GTF2A1: variants seen among roughly 807,000 people sequenced by gnomAD.
The protein encoded by GTF2A1 is transcription initiation factor IIA subunit 1.
In GTF2A1, 12 loss-of-function variants were observed where a neutral mutation model predicts 54.1. The observed-to-expected ratio is 0.22, with a 90% CI of 0.14 to 0.36. The LOEUF (loss-of-function observed/expected upper bound fraction) is 0.36. GTF2A1 is among the 10% of genes least tolerant of loss of function. The pLI is 1.00. For synonymous variants in GTF2A1, 145 were observed against 152.0 expected (o/e 0.95, Z 0.34); for missense variants, 335 against 442.2 (o/e 0.76, Z 2.17).
At chr14:81,210,520 T>A (rs1159296097) in intron 2 of GTF2A1, among the ~76,000 whole-genome samples, 1 of 152,124 alleles carries the variant, frequency 6.6e-6, no homozygotes, top group East Asian at 1.9e-4. Context: ...AATGAAACAC[T>A]ATTTTGGCAA....
At chr14:81,190,007 G>GA (rs11348961) in intron 7 of GTF2A1, among the ~76,000 whole-genome samples, 3 of 151,370 alleles carry the variant, frequency 2.0e-5, no homozygotes, top group South Asian at 2.1e-4. Flanking sequence ...ACTGAACAGG[G>GA]AAAAAAAAAG....
chr14:81,204,652 C>A (rs118170191), intron 2 of GTF2A1, among the ~76,000 whole-genome samples: 81 of 152,228 alleles, frequency 5.3e-4, no homozygotes, highest in Non-Finnish European at 8.4e-4. Context: ...GAAAAAGAAC[C>A]GGCAACGCCC....
chr14:81,201,525 T>C (rs1893110763), intron 4 of GTF2A1, 69 bp downstream of exon 4: 8 of 891,040 alleles, frequency 9.0e-6, no homozygotes, highest in South Asian at 1.4e-5. Context: ...ATAGGACATA[T>C]ATAGGCATAA....
Position 81,192,800 on chromosome 14 carries a change from C to T in GTF2A1, c.652G>A (p.Gly218Ser). ...PLPGGISPQT[G>S]VIIQPQQILF... ...ATTTGCTGAGGCTGGATGATGACAC[C>T]TGTCTGTGGTGAAATCCCTCCAGGA... Residue 218 changes from glycine (G) to serine (S), a missense_variant, in exon 7 of 9, where the codon GGT becomes AGT. By Grantham distance (56) the Gly-to-Ser change is moderately conservative (BLOSUM62 0). This residue lies in a region of GTF2A1 where 306 missense variants were observed against 360.4 expected (regional missense o/e 0.85). Coordinates refer to ENST00000553612, the MANE Select transcript of GTF2A1 (RefSeq NM_015859.4). The T allele has an allele frequency of 6.2e-7, 1 of 1,613,392 alleles. No individual in the cohort carries two copies. Among genetic ancestry groups the T allele is most frequent in the Middle Eastern group, 1.6e-4 (1 of 6,062 alleles).
intron 8 of GTF2A1, among the ~76,000 whole-genome samples, chr14:81,184,171 A>G (rs902499751): frequency 1.3e-5 from 2 of 152,214 alleles, no homozygotes; most frequent in African/African-American, 4.8e-5. Context: ...AAAGGAGAAT[A>G]CAACCATTGT....
In GTF2A1 at chr14:81,178,423, TAAAC is replaced by T. The variant is rs1245559988; in HGVS notation, c.*1796_*1799del. On this transcript the variant is annotated 3_prime_UTR_variant, in exon 9 of 9. Coordinates refer to ENST00000553612, the MANE Select transcript of GTF2A1 (RefSeq NM_015859.4). ...TCTGTGTGCTTTGAGAGTCACAGAA[TAAAC>T]AAACTTCCCCTCAAAAAACTAAATT... is the stretch of plus-strand genomic sequence containing the variant. 3 of 152,124 alleles carry T rather than the reference TAAAC, an allele frequency of 2.0e-5. No homozygotes were observed. The highest frequency in any genetic ancestry group is 1.9e-4 in the East Asian group (1 of 5,196). The allele number at this position is 152,124 out of a possible 1,614,324, so 9.4% of individuals were successfully genotyped here.
chr14:81,188,426 A>G (rs1595210313), intron 7 of GTF2A1, among the ~76,000 whole-genome samples: 1 of 151,862 alleles, frequency 6.6e-6, no homozygotes, highest in Non-Finnish European at 1.5e-5. Flanking sequence ...TTTAATCTAC[A>G]AAGTCCACTT....
chr14:81,186,561 G>C (rs550729822), intron 7 of GTF2A1, among the ~76,000 whole-genome samples: 1 of 152,004 alleles, frequency 6.6e-6, no homozygotes, highest in East Asian at 1.9e-4. Flanking sequence ...GTTAAATTTC[G>C]CTTCAATTGT....
chr14:81,197,241 T>C (rs1893011489), intron 5 of GTF2A1, 168 bp downstream of exon 5: 2 of 537,088 alleles, frequency 3.7e-6, no homozygotes, highest in South Asian at 5.4e-5. Flanking sequence ...TCAACAACGA[T>C]TACAGTTATA....
At chr14:81,190,262 A>G (rs1892847800) in intron 7 of GTF2A1, among the ~76,000 whole-genome samples, 2 of 151,950 alleles carry the variant, frequency 1.3e-5, no homozygotes, top group Admixed American at 1.3e-4. Context: ...ATTAAATACA[A>G]TCTTTGAAAA....
At chr14:81,218,667 C>T (rs1019717572) in intron 1 of GTF2A1, among the ~76,000 whole-genome samples, 3 of 151,966 alleles carry the variant, frequency 2.0e-5, no homozygotes, top group Non-Finnish European at 4.4e-5. Context: ...CCACTAGTGG[C>T]ATTATTAAGT....
chr14:81,201,506 G>C, intron 4 of GTF2A1, 88 bp downstream of exon 4: 1 of 702,412 alleles, frequency 1.4e-6, no homozygotes, highest in Non-Finnish European at 2.4e-6. Context: ...TAAACTTCAA[G>C]TAGTTAATAT....
intron 2 of GTF2A1, among the ~76,000 whole-genome samples, chr14:81,212,870 G>A (rs1893403887): frequency 6.6e-6 from 1 of 152,154 alleles, no homozygotes; most frequent in African/African-American, 2.4e-5. Context: ...GAAGAGCACA[G>A]GTACAGAACA....
intron 2 of GTF2A1, chr14:81,209,749 C>G (rs1335189787): frequency 2.7e-6 from 1 of 374,580 alleles, no homozygotes; most frequent in Non-Finnish European, 5.1e-6. Flanking sequence ...CTATTCCTTA[C>G]GATCAGCAGT....
Position 81,207,469 on chromosome 14 carries a change from TC to T in GTF2A1, c.133-3366del, listed in dbSNP as rs1893264438. On this transcript the variant is annotated intron_variant, in intron 2 of 8. Transcript: ENST00000553612. ...TAAGTCCAATTAAACCTCTTTTTGT[TC>T]CCAGTTTTGGGTATGTCTTCATCAG... 2.0e-5 allele frequency among the ~76,000 whole-genome samples: 3 copies of T among 152,250 alleles called. No homozygotes were observed. In the South Asian group the frequency reaches 6.2e-4, roughly 32 times the overall value.
At chr14:81,219,393 TGGAG>T in intron 1 of GTF2A1, among the ~76,000 whole-genome samples, 1 of 152,332 alleles carries the variant, frequency 6.6e-6, no homozygotes, top group African/African-American at 2.4e-5. Flanking sequence ...GGTGTTTAAA[TGGAG>T]AGGCGGTGAC....
intron 2 of GTF2A1, among the ~76,000 whole-genome samples, chr14:81,214,356 T>G (rs10142578): frequency 3.9e-5 from 6 of 152,142 alleles, no homozygotes; most frequent in African/African-American, 1.4e-4. Context: ...ATCAAATTAC[T>G]GAGACCCGGC....
rs1419902730 is a variant in GTF2A1 at position 81,211,875 on chromosome 14, T to TATATATA, written c.132+4537_132+4538insTATATAT. ...ACATAATTAGAGTGTATCAAGTACT[T>TATATATA]TATATATATATATATATATATATAT... On this transcript the variant is annotated intron_variant, in intron 2 of 8. Transcript: ENST00000553612. Among the ~76,000 whole-genome samples the TATATATA allele has an allele frequency of 4.1e-3, 280 of 68,478 alleles. 16 individuals are homozygous for TATATATA. Among genetic ancestry groups the TATATATA allele is most frequent in the African/African-American group, 7.2e-3 (142 of 19,820 alleles). 44.9% of individuals were successfully genotyped at this position (68,478 alleles called of 152,430 possible). A position where few individuals can be genotyped will look rare whatever the true frequency, so the allele number is the denominator to read the frequency against.
In GTF2A1 at chr14:81,183,998, T is replaced by C. The variant is rs1001945934; in HGVS notation, c.1023+1533A>G. Among the ~76,000 whole-genome samples the C allele has an allele frequency of 3.9e-5, 6 of 152,194 alleles. No individual in the cohort carries two copies. The South Asian group carries it at 8.3e-4, about 21-fold the overall frequency. ...TCCTCCAATCTTCAGAGCAATTCAT[T>C]TGATTCTCAAAATTAGACCTCTGCA... On this transcript the variant is annotated intron_variant, in intron 8 of 8. Coordinates refer to ENST00000553612, the MANE Select transcript of GTF2A1 (RefSeq NM_015859.4).
Sources: gnomAD v4.1 joint callset for allele counts (sites outside exome capture counted in the v4.1 genomes callset) on GRCh38, gnomAD v4.1.1 for gene constraint, gnomAD v4.1.1 regional missense constraint, MANE v1.5 for transcripts, NCBI Gene and HGNC (gene_info 2026-07-23, HGNC 2026-07-21) for gene names.